Variants in BORCS5 observed in about 807,000 individuals in gnomAD.
BORCS5 encodes the protein BLOC-1-related complex subunit 5.
In BORCS5, 17 loss-of-function variants were observed where a neutral mutation model predicts 22.1. The ratio of observed to expected loss-of-function variants is 0.77; its 90% confidence interval spans 0.53 to 1.15. The LOEUF is 1.15. Ranked by LOEUF, BORCS5 falls within the 50% of genes most tolerant of loss-of-function variation. The pLI, the probability that BORCS5 is intolerant of heterozygous loss-of-function variation, is 0.00. For missense variants in BORCS5, 247 were observed against 253.2 expected (o/e 0.98, Z 0.17); for synonymous variants, 117 against 99.8 (o/e 1.17, Z -1.03).
chr12:12,428,176 C>T lies in BORCS5; in HGVS notation c.203-7452C>T, dbSNP rs143079449. Among the ~76,000 whole-genome samples the T allele has an allele frequency of 7.9e-5, 12 of 152,294 alleles. No individual in the cohort carries two copies. The South Asian group carries it at 2.3e-3, about 29-fold the overall frequency. On this transcript the variant is annotated intron_variant, in intron 2 of 3. Transcript: ENST00000314565. ...CTAAGCCTCTCAGAGTTAAGGAATTCGGTTTGGTAATAGGCTAAGCTAATA... is the reference window on the plus strand; with the variant it reads ...CTAAGCCTCTCAGAGTTAAGGAATTTGGTTTGGTAATAGGCTAAGCTAATA...
At chr12:12,414,945 A>T (rs1335780425) in intron 2 of BORCS5, among the ~76,000 whole-genome samples, 2 of 134,784 alleles carry the variant, frequency 1.5e-5, no homozygotes, top group Admixed American at 7.3e-5. Flanking sequence ...CACATCTCAG[A>T]CGATGGGCGG....
At chr12:12,462,303 C>T (rs10772569) in intron 3 of BORCS5, among the ~76,000 whole-genome samples, 38,380 of 152,066 alleles carry the variant, frequency 0.25, 5,345 homozygotes, top group Admixed American at 0.32. Flanking sequence ...ATGAGGAAAC[C>T]GAGGCTTACG....
intron 3 of BORCS5, among the ~76,000 whole-genome samples, chr12:12,441,508 C>T (rs117116724): frequency 0.012 from 1,880 of 151,634 alleles, 29 homozygotes; most frequent in South Asian, 0.027. Flanking sequence ...TTCTAGGGAC[C>T]ACGCCTGCCA....
In BORCS5 at chr12:12,433,348, A is replaced by G. The variant is rs12308866; in HGVS notation, c.203-2280A>G. On this transcript the variant is annotated intron_variant, in intron 2 of 3. Coordinates refer to ENST00000314565, the MANE Select transcript of BORCS5 (RefSeq NM_058169.6). ...AAAAAAAAAAAAAAAAAAAAAAAAAAGGAAATCTGCCCGGGTGCAGCGGCA... is the reference window on the plus strand; with the variant it reads ...AAAAAAAAAAAAAAAAAAAAAAAAAGGGAAATCTGCCCGGGTGCAGCGGCA... 7.9e-5 allele frequency among the ~76,000 whole-genome samples: 10 copies of G among 126,154 alleles called. No individual in the cohort carries two copies. In the South Asian group the frequency reaches 9.4e-4, roughly 12 times the overall value. 82.8% of individuals were successfully genotyped at this position (126,154 alleles called of 152,430 possible).
At chr12:12,440,827 C>T (rs1048754696) in intron 3 of BORCS5, among the ~76,000 whole-genome samples, 2 of 152,188 alleles carry the variant, frequency 1.3e-5, no homozygotes, top group African/African-American at 4.8e-5. Context: ...CCAGTGCTCT[C>T]ATTATTCAGA....
At chr12:12,414,169 C>T (rs1206528148) in intron 2 of BORCS5, among the ~76,000 whole-genome samples, 1 of 100,606 alleles carries the variant, frequency 9.9e-6, no homozygotes, top group African/African-American at 4.1e-5. Context: ...CTGACCCCCC[C>T]ACCTCCCTCC....
intron 2 of BORCS5, among the ~76,000 whole-genome samples, chr12:12,426,850 G>C (rs1313572891): frequency 3.3e-5 from 5 of 152,198 alleles, no homozygotes. Context: ...AAGTTCCTCT[G>C]TCTTGCCCTC....
chr12:12,360,462 G>A (rs556701565), intron 1 of BORCS5, among the ~76,000 whole-genome samples: 28 of 152,116 alleles, frequency 1.8e-4, no homozygotes, highest in African/African-American at 5.8e-4. Flanking sequence ...TGTGATCATG[G>A]CTCACTGTGG....
Position 12,469,656 on chromosome 12 carries a change from A to C in BORCS5, c.*3880A>C, listed in dbSNP as rs921737563. 6.6e-6 allele frequency: 1 copy of C among 152,230 alleles called. No individual in the cohort carries two copies. The highest frequency in any genetic ancestry group is 1.5e-5 in the Non-Finnish European group (1 of 68,048). 9.4% of individuals were successfully genotyped at this position (152,230 alleles called of 1,614,324 possible). A position where few individuals can be genotyped will look rare whatever the true frequency, so the allele number is the denominator to read the frequency against. On this transcript the variant is annotated 3_prime_UTR_variant, in exon 4 of 4. Transcript: ENST00000314565. ...AAGGCAAAACCAGGAATTGTCAGAG[A>C]CGTGACCAGACATGTATTAAAATTC...
rs531167872 is a variant in BORCS5 at position 12,469,678 on chromosome 12, A to G, written c.*3902A>G. On this transcript the variant is annotated 3_prime_UTR_variant, in exon 4 of 4. Transcript: ENST00000314565. ...GAGACGTGACCAGACATGTATTAAA[A>G]TTCTAGTGCAATTGGGAAACTTGGT... 4 of 152,374 alleles carry G rather than the reference A, an allele frequency of 2.6e-5. No individual in the cohort carries two copies. Among genetic ancestry groups the G allele is most frequent in the African/African-American group, 9.6e-5 (4 of 41,590 alleles). The allele number at this position is 152,374 out of a possible 1,614,324, so 9.4% of individuals were successfully genotyped here.
At chr12:12,464,671 GTC>G (rs921775205) in intron 3 of BORCS5, among the ~76,000 whole-genome samples, 2 of 152,210 alleles carry the variant, frequency 1.3e-5, no homozygotes, top group South Asian at 2.1e-4. Flanking sequence ...CACGATGGCG[GTC>G]TCTCTCTCTA....
At chr12:12,425,211 C>T (rs185425046) in intron 2 of BORCS5, among the ~76,000 whole-genome samples, 204 of 152,322 alleles carry the variant, frequency 1.3e-3, no homozygotes, top group African/African-American at 4.7e-3. Context: ...ATTATGATGA[C>T]AGCTGAAATA....
intron 3 of BORCS5, among the ~76,000 whole-genome samples, chr12:12,448,501 C>T (rs974215203): frequency 2.6e-5 from 4 of 151,252 alleles, no homozygotes; most frequent in South Asian, 2.1e-4. Context: ...AGGCGTGAGT[C>T]ACCGTGCCTG....
chr12:12,397,435 C>T (rs1282730191), intron 2 of BORCS5, among the ~76,000 whole-genome samples: 2 of 152,240 alleles, frequency 1.3e-5, no homozygotes, highest in African/African-American at 2.4e-5. Context: ...CAGGAACAGC[C>T]TACGCTGGGA....
intron 2 of BORCS5, among the ~76,000 whole-genome samples, chr12:12,382,074 AGCC>A (rs1863785803): frequency 6.6e-6 from 1 of 151,398 alleles, no homozygotes; most frequent in Admixed American, 6.6e-5. Context: ...ATATTAATAG[AGCC>A]ATTTGTGTTA....
At chr12:12,407,479 G>A (rs1941618988) in intron 2 of BORCS5, among the ~76,000 whole-genome samples, 4 of 151,048 alleles carry the variant, frequency 2.6e-5, no homozygotes, top group Non-Finnish European at 4.4e-5. Context: ...CTTTGTAATT[G>A]TAAAATATGT....
chr12:12,363,141 C>T (rs1452424477), intron 2 of BORCS5, among the ~76,000 whole-genome samples: 2 of 151,572 alleles, frequency 1.3e-5, no homozygotes, highest in Non-Finnish European at 2.9e-5. Flanking sequence ...ACAGATAATA[C>T]AAAAAATTAG....
intron 1 of BORCS5, among the ~76,000 whole-genome samples, chr12:12,359,868 CCTAA>C (rs1863239149): frequency 1.3e-5 from 2 of 151,994 alleles, no homozygotes; most frequent in African/African-American, 2.4e-5. Context: ...TAATTCCTTT[CCTAA>C]CTGTCTAGCA....
chr12:12,428,405 C>G (rs1429146783), intron 2 of BORCS5, among the ~76,000 whole-genome samples: 2 of 152,204 alleles, frequency 1.3e-5, no homozygotes, highest in Admixed American at 6.5e-5. Flanking sequence ...TCACTCACTC[C>G]CTGGAGCCTA....
Sources: gnomAD v4.1 joint callset for allele counts (sites outside exome capture counted in the v4.1 genomes callset) on GRCh38, gnomAD v4.1.1 for gene constraint, MANE v1.5 for transcripts, NCBI Gene and HGNC (gene_info 2026-07-23, HGNC 2026-07-21) for gene names.